The following ACYP2 variants were observed in gnomAD, a reference collection of about 807,000 sequenced individuals.
ACYP2 encodes the protein acylphosphatase-2.
In ACYP2, 12 loss-of-function variants were observed where a neutral mutation model predicts 11.2. The observed-to-expected ratio is 1.08, with a 90% CI of 0.69 to 1.74. The LOEUF is 1.74. ACYP2 is among the 40% of genes most tolerant of loss of function. The pLI is 0.00. For missense variants in ACYP2, 134 were observed against 101.9 expected, an observed-to-expected ratio of 1.31 and a Z score of -1.35; for synonymous variants, 43 against 32.2, an observed-to-expected ratio of 1.33 and a Z score of -1.13.
chr2:54,271,206 A>T (rs1290280680), intron 6 of ACYP2, among the ~76,000 whole-genome samples: 1 of 152,172 alleles, frequency 6.6e-6, no homozygotes, highest in African/African-American at 2.4e-5. Context: ...GACTGAAGCC[A>T]CCTTTGTAAA....
chr2:54,201,592 TTC>T (rs56661888), intron 6 of ACYP2, among the ~76,000 whole-genome samples: 31,992 of 103,162 alleles, frequency 0.31, 4,765 homozygotes, highest in South Asian at 0.47. Flanking sequence ...TTTTCTTTCT[TTC>T]TCTTTCTTTC....
At chr2:54,119,409 A>G (rs1481046220) in intron 4 of ACYP2, among the ~76,000 whole-genome samples, 2 of 152,218 alleles carry the variant, frequency 1.3e-5, no homozygotes, top group Non-Finnish European at 2.9e-5. Flanking sequence ...GTATGGAATA[A>G]TAAAATTTTA....
intron 6 of ACYP2, among the ~76,000 whole-genome samples, chr2:54,149,971 T>A (rs1572857905): frequency 6.6e-6 from 1 of 152,210 alleles, no homozygotes; most frequent in Admixed American, 6.5e-5. Flanking sequence ...AAGGCAATAA[T>A]CTTGATTGGA....
At chr2:53,991,247 C>T (rs181730191) in intron 2 of ACYP2, among the ~76,000 whole-genome samples, 57 of 152,266 alleles carry the variant, frequency 3.7e-4, no homozygotes, top group African/African-American at 1.3e-3. Context: ...TTTGCTTATC[C>T]ATTCATCTGT....
At chr2:54,027,705 T>C (rs772896882) in intron 2 of ACYP2, among the ~76,000 whole-genome samples, 1 of 152,180 alleles carries the variant, frequency 6.6e-6, no homozygotes, top group Non-Finnish European at 1.5e-5. Context: ...GAACCAATAT[T>C]GATACATTAT....
At chr2:53,985,657 A>G (rs1409684247) in intron 2 of ACYP2, among the ~76,000 whole-genome samples, 1 of 152,164 alleles carries the variant, frequency 6.6e-6, no homozygotes, top group East Asian at 1.9e-4. Flanking sequence ...TTTAGTTGGG[A>G]TATTTGACCC....
intron 2 of ACYP2, among the ~76,000 whole-genome samples, chr2:54,018,392 A>G (rs185999770): frequency 3.3e-5 from 5 of 152,354 alleles, no homozygotes; most frequent in South Asian, 4.1e-4. Context: ...AAAGAACCCA[A>G]TGAACACAAA....
chr2:54,086,775 T>A (rs1055377981), intron 4 of ACYP2, among the ~76,000 whole-genome samples: 5 of 152,246 alleles, frequency 3.3e-5, no homozygotes, highest in African/African-American at 1.2e-4. Flanking sequence ...TTTCCTAAAC[T>A]CTTGTTCCCA....
chr2:54,260,213 A>C (rs148087214), intron 6 of ACYP2, among the ~76,000 whole-genome samples: 1 of 152,060 alleles, frequency 6.6e-6, no homozygotes, highest in Non-Finnish European at 1.5e-5. Context: ...AGATTTATGA[A>C]ATCGTCTTCT....
intron 4 of ACYP2, among the ~76,000 whole-genome samples, chr2:54,101,560 G>A (rs180990314): frequency 1.6e-4 from 25 of 151,624 alleles, no homozygotes; most frequent in African/African-American, 6.1e-4. Flanking sequence ...TCCAATTCCA[G>A]CTACTCAGGA....
At chr2:54,136,454 T>A (rs1681242909) in intron 5 of ACYP2, among the ~76,000 whole-genome samples, 1 of 152,218 alleles carries the variant, frequency 6.6e-6, no homozygotes, top group African/African-American at 2.4e-5. Flanking sequence ...AGGGTTCCAA[T>A]ATTTTCCCAC....
intron 6 of ACYP2, among the ~76,000 whole-genome samples, chr2:54,190,882 C>G (rs748880543): frequency 4.6e-5 from 7 of 152,120 alleles, no homozygotes; most frequent in South Asian, 4.1e-4. Flanking sequence ...CCAGTACTCC[C>G]TATATGAGCA....
chr2:54,212,107 GT>G (rs1168413242), intron 6 of ACYP2, among the ~76,000 whole-genome samples: 2 of 152,202 alleles, frequency 1.3e-5, no homozygotes, highest in African/African-American at 4.8e-5. Context: ...TGGCGTGGCA[GT>G]GTTAGTTTTT....
At chr2:54,267,797 G>A (rs535282479) in intron 6 of ACYP2, among the ~76,000 whole-genome samples, 1 of 152,124 alleles carries the variant, frequency 6.6e-6, no homozygotes, top group Non-Finnish European at 1.5e-5. Context: ...GGTCAGAGGG[G>A]CAACAAGCAG....
At chr2:54,201,616 C>CTG (rs1684789062) in intron 6 of ACYP2, among the ~76,000 whole-genome samples, 1 of 88,140 alleles carries the variant, frequency 1.1e-5, no homozygotes, top group Non-Finnish European at 2.4e-5. Flanking sequence ...TTCTTTCTTT[C>CTG]TTTCTTTGTT....
At chr2:54,043,073 G>T in intron 2 of ACYP2, among the ~76,000 whole-genome samples, 1 of 119,192 alleles carries the variant, frequency 8.4e-6, no homozygotes, top group African/African-American at 3.8e-5. Flanking sequence ...TGTGTGTGGG[G>T]TGTGTGTGTG....
rs138812389 is a variant in ACYP2, at chr2:54,266,590, C to CTTTTTTTTTTTTTTTTT, written c.405-38081_405-38065dup. Among the ~76,000 whole-genome samples the CTTTTTTTTTTTTTTTTT allele has an allele frequency of 3.3e-4, 17 of 52,244 alleles. 4 individuals carry two copies. The highest frequency in any genetic ancestry group is 4.7e-4 in the Non-Finnish European group (14 of 29,940). 34.3% of individuals were successfully genotyped at this position (52,244 alleles called of 152,430 possible). A position where few individuals can be genotyped will look rare whatever the true frequency, so the allele number is the denominator to read the frequency against. ...TAGATAGATATAGATATCTATCTAT[C>CTTTTTTTTTTTTTTTTT]TTTTTTTTTTTTTTTTTTTTTTTTT... On this transcript the variant is annotated intron_variant, in intron 6 of 6. Transcript: ENST00000607452.
chr2:54,255,260 A>G, intron 6 of ACYP2: 1 of 1,614,164 alleles, frequency 6.2e-7, no homozygotes, highest in East Asian at 2.2e-5. Context: ...TTTCTTTGAA[A>G]GAAGAACTTA....
chr2:54,280,300 T>G (rs1222927644), intron 6 of ACYP2, among the ~76,000 whole-genome samples: 1 of 152,146 alleles, frequency 6.6e-6, no homozygotes, highest in Admixed American at 6.5e-5. Flanking sequence ...GTTGAAAGTC[T>G]GTGACTGCCC....
Sources: allele counts gnomAD v4.1 joint callset (sites outside exome capture counted in the v4.1 genomes callset), GRCh38; gene constraint gnomAD v4.1.1; transcripts MANE v1.5; gene names NCBI Gene and HGNC (gene_info 2026-07-23, HGNC 2026-07-21).